Variants in ERC2 observed in about 807,000 individuals in gnomAD.
ERC2 encodes ELKS/RAB6-interacting/CAST family member 2, also known as ERC protein 2.
A neutral mutation model predicts 114.8 loss-of-function variants in ERC2; 42 were observed. The observed-to-expected ratio is 0.37, with a 90% CI of 0.29 to 0.47. The LOEUF (loss-of-function observed/expected upper bound fraction) is 0.47. Ranked by LOEUF, ERC2 falls within the 20% of genes least tolerant of loss-of-function variation. The probability of loss-of-function intolerance (pLI) is 0.99; values close to 1 mark genes in which losing one functional copy is unlikely to be tolerated. For missense variants in ERC2, 939 were observed against 1,150.7 expected (o/e 0.82, Z 2.66); for synonymous variants, 454 against 425.5 (o/e 1.07, Z -0.82).
chr3:55,718,131 T>A (rs1335857459), intron 15 of ERC2, among the ~76,000 whole-genome samples: 1 of 152,174 alleles, frequency 6.6e-6, no homozygotes, highest in African/African-American at 2.4e-5. Flanking sequence ...GTCTGCCTTA[T>A]CACCACAGAG....
At chr3:55,912,555 T>C (rs956764755) in intron 13 of ERC2, among the ~76,000 whole-genome samples, 1 of 152,208 alleles carries the variant, frequency 6.6e-6, no homozygotes, top group African/African-American at 2.4e-5. Flanking sequence ...GATGGTCATA[T>C]TTATCACTCT....
chr3:55,936,355 A>T (rs2066443045), intron 13 of ERC2, among the ~76,000 whole-genome samples: 3 of 135,588 alleles, frequency 2.2e-5, no homozygotes, highest in African/African-American at 7.4e-5. Context: ...TCTGTTTTGG[A>T]TACGTAAGAT....
chr3:56,225,558 T>C (rs2050196880), intron 3 of ERC2, among the ~76,000 whole-genome samples: 1 of 152,234 alleles, frequency 6.6e-6, no homozygotes, highest in Non-Finnish European at 1.5e-5. Context: ...TACCCAATCA[T>C]AGAATTGTGC....
chr3:55,746,776 T>C (rs2066334012), intron 14 of ERC2, among the ~76,000 whole-genome samples: 1 of 152,244 alleles, frequency 6.6e-6, no homozygotes, highest in Non-Finnish European at 1.5e-5. Flanking sequence ...CTAAACAGAT[T>C]CCCATCTGTT....
Position 56,073,591 on chromosome 3 carries a change from T to C in ERC2, c.1641+7226A>G, listed in dbSNP as rs578033487. On this transcript the variant is annotated intron_variant, in intron 7 of 17. Coordinates refer to ENST00000288221, the MANE Select transcript of ERC2 (RefSeq NM_015576.3). ...CTAGTTCCTGGCTTCAGATGCAAAGTGAGTTTGCCTACACCAAGGAGGTCA... is the reference window on the plus strand; with the variant it reads ...CTAGTTCCTGGCTTCAGATGCAAAGCGAGTTTGCCTACACCAAGGAGGTCA... Among the ~76,000 whole-genome samples, 5 of 152,272 alleles carry C rather than the reference T, an allele frequency of 3.3e-5. No homozygotes were observed. In the South Asian group the frequency reaches 1.0e-3, roughly 32 times the overall value.
intron 2 of ERC2, among the ~76,000 whole-genome samples, chr3:56,415,199 C>A (rs2061101291): frequency 6.6e-6 from 1 of 152,174 alleles, no homozygotes; most frequent in African/African-American, 2.4e-5. Context: ...TTGTACCTTT[C>A]ATTCAACAAC....
chr3:55,574,421 C>T (rs1230569350), intron 17 of ERC2, among the ~76,000 whole-genome samples: 2 of 152,076 alleles, frequency 1.3e-5, no homozygotes, highest in Non-Finnish European at 2.9e-5. Context: ...CAGAATGGAC[C>T]TTCCTAGGAG....
intron 2 of ERC2, among the ~76,000 whole-genome samples, chr3:56,351,574 A>G (rs531296043): frequency 6.6e-6 from 1 of 152,376 alleles, no homozygotes; most frequent in East Asian, 1.9e-4. Context: ...AGCTCATTAC[A>G]TGTTCTCTTC....
intron 17 of ERC2, among the ~76,000 whole-genome samples, chr3:55,542,544 T>A (rs1188295938): frequency 1.3e-5 from 2 of 152,128 alleles, no homozygotes; most frequent in Non-Finnish European, 2.9e-5. Context: ...ACACGTTGAG[T>A]CCGTAACTCA....
At chr3:56,194,186 A>C (rs2047955143) in intron 3 of ERC2, among the ~76,000 whole-genome samples, 2 of 152,192 alleles carry the variant, frequency 1.3e-5, no homozygotes, top group Admixed American at 6.5e-5. Flanking sequence ...GAGTGAAAGA[A>C]TAGAACTAAA....
At chr3:55,817,441 C>T (rs954557012) in intron 14 of ERC2, among the ~76,000 whole-genome samples, 1 of 152,220 alleles carries the variant, frequency 6.6e-6, no homozygotes, top group African/African-American at 2.4e-5. Flanking sequence ...TGAGAGTTCA[C>T]CCAAGGGATG....
At chr3:56,361,229 G>A (rs1416964620) in intron 2 of ERC2, among the ~76,000 whole-genome samples, 1 of 152,006 alleles carries the variant, frequency 6.6e-6, no homozygotes, top group Non-Finnish European at 1.5e-5. Flanking sequence ...AGAAGATGAG[G>A]AATAAAAACA....
intron 4 of ERC2, among the ~76,000 whole-genome samples, chr3:56,169,536 A>T (rs1205531336): frequency 6.6e-6 from 1 of 152,232 alleles, no homozygotes; most frequent in East Asian, 1.9e-4. Flanking sequence ...AGGCAGGGAG[A>T]GGTTGCCTGA....
chr3:55,701,209 T>C (rs1318201765), intron 15 of ERC2, among the ~76,000 whole-genome samples: 2 of 152,206 alleles, frequency 1.3e-5, no homozygotes, highest in Non-Finnish European at 2.9e-5. Context: ...TCTAACTTAT[T>C]CTCAATACTT....
chr3:56,212,456 A>G (rs1455732847), intron 3 of ERC2, among the ~76,000 whole-genome samples: 1 of 152,182 alleles, frequency 6.6e-6, no homozygotes, highest in African/African-American at 2.4e-5. Context: ...AAAAAATAAT[A>G]AATGTTGGTG....
intron 14 of ERC2, among the ~76,000 whole-genome samples, chr3:55,758,443 ACTT>A (rs1278388772): frequency 2.6e-5 from 4 of 152,120 alleles, no homozygotes; most frequent in Admixed American, 2.0e-4. Context: ...TCTCAGAACC[ACTT>A]CTTCTCTGAC....
At chr3:55,745,281 G>T (rs2066236245) in intron 14 of ERC2, among the ~76,000 whole-genome samples, 1 of 152,146 alleles carries the variant, frequency 6.6e-6, no homozygotes, top group South Asian at 2.1e-4. Flanking sequence ...AAGGCCACGT[G>T]GGAAATAGGC....
chr3:56,035,867 C>T (rs917063369), intron 7 of ERC2, among the ~76,000 whole-genome samples: 2 of 152,120 alleles, frequency 1.3e-5, no homozygotes, highest in African/African-American at 4.8e-5. Context: ...ATTTACAAGG[C>T]CAGCATTACC....
intron 7 of ERC2, among the ~76,000 whole-genome samples, chr3:56,066,370 T>C (rs533612287): frequency 1.3e-5 from 2 of 152,244 alleles, no homozygotes; most frequent in Non-Finnish European, 2.9e-5. Flanking sequence ...GAGAAGTGTC[T>C]GTTCATGTCC....
Sources: allele counts gnomAD v4.1 joint callset (sites outside exome capture counted in the v4.1 genomes callset), GRCh38; gene constraint gnomAD v4.1.1; transcripts MANE v1.5; gene names NCBI Gene and HGNC (gene_info 2026-07-23, HGNC 2026-07-21).